The following MACROD2 variants were observed in gnomAD, a reference collection of about 807,000 sequenced individuals.
The protein encoded by MACROD2 is ADP-ribose glycohydrolase MACROD2.
Under a neutral mutation model 70.4 loss-of-function variants are expected in MACROD2, and 36 were observed. That is an observed-to-expected ratio of 0.51 (90% CI 0.39 to 0.68). MACROD2 has a LOEUF of 0.68. Among genes scored for constraint, MACROD2 ranks in the 30% least tolerant of loss-of-function variants. MACROD2 has a pLI of 0.00. For missense variants in MACROD2, 496 were observed against 538.4 expected, an observed-to-expected ratio of 0.92 and a Z score of 0.78; for synonymous variants, 172 against 178.8, an observed-to-expected ratio of 0.96 and a Z score of 0.30.
At chr20:15,982,781 C>T (rs1299801450) in intron 13 of MACROD2, among the ~76,000 whole-genome samples, 1 of 152,176 alleles carries the variant, frequency 6.6e-6, no homozygotes, top group Non-Finnish European at 1.5e-5. Context: ...TAATGGTGTC[C>T]TTTGGTATTT....
chr20:14,936,566 C>G (rs992101389), intron 5 of MACROD2, among the ~76,000 whole-genome samples: 11 of 151,962 alleles, frequency 7.2e-5, no homozygotes, highest in Non-Finnish European at 1.2e-4. Context: ...CTTTGTAGCT[C>G]TCTCTCCTCC....
intron 4 of MACROD2, among the ~76,000 whole-genome samples, chr20:14,508,912 G>C (rs1009515044): frequency 2.0e-5 from 3 of 151,858 alleles, no homozygotes; most frequent in African/African-American, 7.3e-5. Flanking sequence ...TTTGCTTATA[G>C]CATTATATTT....
At chr20:14,656,628 G>T (rs181373226) in intron 4 of MACROD2, among the ~76,000 whole-genome samples, 1 of 152,184 alleles carries the variant, frequency 6.6e-6, no homozygotes, top group Non-Finnish European at 1.5e-5. Flanking sequence ...ACCTTCAGCA[G>T]CCCTTTACTG....
chr20:14,086,050 TAATAGTTGGCCAAC>T (rs2054073414), intron 3 of MACROD2, among the ~76,000 whole-genome samples: 1 of 152,146 alleles, frequency 6.6e-6, no homozygotes, highest in Non-Finnish European at 1.5e-5. Context: ...TAGCTTGAAT[TAATAGTTGGCCAAC>T]ATAAATACAA....
intron 15 of MACROD2, among the ~76,000 whole-genome samples, chr20:16,010,548 C>T (rs1440155704): frequency 6.6e-6 from 1 of 152,172 alleles, no homozygotes; most frequent in Non-Finnish European, 1.5e-5. Flanking sequence ...TATGATACCA[C>T]AACCTTATTA....
At chr20:15,853,731 A>C (rs2064325587) in intron 8 of MACROD2, among the ~76,000 whole-genome samples, 1 of 152,210 alleles carries the variant, frequency 6.6e-6, no homozygotes, top group Non-Finnish European at 1.5e-5. Flanking sequence ...CTGAGCCTCC[A>C]GACAAGGGCT....
intron 5 of MACROD2, among the ~76,000 whole-genome samples, chr20:14,787,872 A>G (rs1211181224): frequency 6.6e-6 from 1 of 152,122 alleles, no homozygotes; most frequent in Non-Finnish European, 1.5e-5. Flanking sequence ...ATTCTGTGGC[A>G]TTCTTGGACC....
At chr20:14,501,134 TATC>T (rs1255849150) in intron 4 of MACROD2, among the ~76,000 whole-genome samples, 2 of 152,076 alleles carry the variant, frequency 1.3e-5, no homozygotes, top group African/African-American at 2.4e-5. Context: ...ATCATAGTAT[TATC>T]TTTTATTTTT....
chr20:14,855,899 G>C (rs115999000), intron 5 of MACROD2, among the ~76,000 whole-genome samples: 1 of 151,976 alleles, frequency 6.6e-6, no homozygotes, highest in South Asian at 2.1e-4. Flanking sequence ...TAGAAATATC[G>C]TATTTCTAAG....
intron 15 of MACROD2, among the ~76,000 whole-genome samples, chr20:16,022,650 C>T (rs187207565): frequency 3.3e-5 from 5 of 152,288 alleles, no homozygotes; most frequent in African/African-American, 4.8e-5. Flanking sequence ...GCAGATGGTT[C>T]CTGGACCACA....
chr20:14,516,090 T>A (rs2085097245), intron 4 of MACROD2, among the ~76,000 whole-genome samples: 1 of 149,942 alleles, frequency 6.7e-6, no homozygotes, highest in African/African-American at 2.4e-5. Context: ...AATAAATAAA[T>A]AAGAAAGAAA....
In MACROD2 at chr20:15,208,336, A is replaced by G. The variant is rs184745798; in HGVS notation, c.419-21604A>G. 6.0e-4 allele frequency among the ~76,000 whole-genome samples: 92 copies of G among 152,240 alleles called. No homozygotes were observed. The South Asian group carries it at 8.9e-3, about 15-fold the overall frequency. On this transcript the variant is annotated intron_variant, in intron 5 of 17. Transcript: ENST00000684519. ...CTGTTTGTTTGTTTCAAGCATGTAC[A>G]TAACTGTTTATTGGAGCATTTTTAA...
At position 15,250,185 on chromosome 20, in the gene MACROD2, C is replaced by G. The variant is rs545576829; in HGVS notation, c.540+20124C>G. On this transcript the variant is annotated intron_variant, in intron 6 of 17. Transcript: ENST00000684519. ...GATTACCTTCCTCACCTCCCCACCA[C>G]CTTCACCAGCCCTACACCACACAGC... is the stretch of plus-strand genomic sequence containing the variant. 2.0e-5 allele frequency among the ~76,000 whole-genome samples: 3 copies of G among 152,152 alleles called. No individual in the cohort carries two copies. In the South Asian group the frequency reaches 6.2e-4, roughly 32 times the overall value.
chr20:15,000,548 G>A (rs891391154), intron 5 of MACROD2, among the ~76,000 whole-genome samples: 4 of 132,870 alleles, frequency 3.0e-5, no homozygotes, highest in African/African-American at 1.0e-4. Context: ...GCGTGAACCC[G>A]GGAAGCGGAG....
chr20:14,123,446 G>A (rs2054609091), intron 3 of MACROD2, among the ~76,000 whole-genome samples: 1 of 152,072 alleles, frequency 6.6e-6, no homozygotes, highest in Admixed American at 6.6e-5. Context: ...AGCATCCATG[G>A]TAAAGATGTA....
intron 4 of MACROD2, among the ~76,000 whole-genome samples, chr20:14,575,194 TTAA>T (rs1312481086): frequency 6.6e-6 from 1 of 151,980 alleles, no homozygotes; most frequent in African/African-American, 2.4e-5. Context: ...ACTAATTACC[TTAA>T]TATAATAAAC....
At chr20:14,532,470 G>A (rs948218842) in intron 4 of MACROD2, among the ~76,000 whole-genome samples, 1 of 151,190 alleles carries the variant, frequency 6.6e-6, no homozygotes, top group Non-Finnish European at 1.5e-5. Flanking sequence ...TGATCCGCAC[G>A]TCTCAGCCTC....
intron 6 of MACROD2, among the ~76,000 whole-genome samples, chr20:15,300,379 G>C (rs2077630783): frequency 6.6e-6 from 1 of 152,156 alleles, no homozygotes; most frequent in African/African-American, 2.4e-5. Flanking sequence ...TGTAGGTTCA[G>C]AGTGTGGCCT....
At chr20:14,887,518 G>C (rs1050278736) in intron 5 of MACROD2, among the ~76,000 whole-genome samples, 2 of 151,354 alleles carry the variant, frequency 1.3e-5, no homozygotes, top group African/African-American at 4.9e-5. Context: ...TCAGCCTCCT[G>C]GGTAGCTGGG....
Sources: allele counts gnomAD v4.1 joint callset (sites outside exome capture counted in the v4.1 genomes callset), GRCh38; gene constraint gnomAD v4.1.1; transcripts MANE v1.5; gene names NCBI Gene and HGNC (gene_info 2026-07-23, HGNC 2026-07-21).